EXOC6B: variants seen among roughly 807,000 people sequenced by gnomAD.
EXOC6B encodes the protein exocyst complex component 6B, also known as SEC15 homolog B.
Under a neutral mutation model 113.5 loss-of-function variants are expected in EXOC6B, and 54 were observed. The observed-to-expected ratio is 0.48, with a 90% confidence interval of 0.38 to 0.60. EXOC6B has a LOEUF of 0.60. EXOC6B is among the 20% of genes least tolerant of loss of function. The pLI, the probability that EXOC6B is intolerant of heterozygous loss-of-function variation, is 0.00. For synonymous variants in EXOC6B, 357 were observed against 339.0 expected, an observed-to-expected ratio of 1.05 and a Z score of -0.58; for missense variants, 797 against 977.5, an observed-to-expected ratio of 0.82 and a Z score of 2.46.
At chr2:72,243,818 A>C (rs1388504402) in intron 20 of EXOC6B, among the ~76,000 whole-genome samples, 1 of 152,236 alleles carries the variant, frequency 6.6e-6, no homozygotes, top group Non-Finnish European at 1.5e-5. Context: ...GGAACATTAC[A>C]TAATGATAAA....
intron 20 of EXOC6B, among the ~76,000 whole-genome samples, chr2:72,302,204 T>A (rs1467362378): frequency 6.6e-6 from 1 of 152,198 alleles, no homozygotes; most frequent in Non-Finnish European, 1.5e-5. Flanking sequence ...TCCAAGAGTG[T>A]GTTTGGTATG....
chr2:72,405,496 C>T (rs995109339), intron 18 of EXOC6B, among the ~76,000 whole-genome samples: 4 of 152,152 alleles, frequency 2.6e-5, no homozygotes, highest in Non-Finnish European at 2.9e-5. Context: ...AGACTAGTTG[C>T]GGATCTCTTG....
Position 72,373,890 on chromosome 2 carries a change from G to A in EXOC6B, c.2122+5839C>T, listed in dbSNP as rs972584149. Among the ~76,000 whole-genome samples, 14 of 152,228 alleles carry A rather than the reference G, an allele frequency of 9.2e-5. No individual in the cohort carries two copies. The East Asian group carries it at 1.4e-3, about 15-fold the overall frequency. ...TATAATCCCAATACTTTGGAAGGCCGAGGTGGGTGGATCACGGGTCTGGAG... is the reference window on the plus strand; with the variant it reads ...TATAATCCCAATACTTTGGAAGGCCAAGGTGGGTGGATCACGGGTCTGGAG... On this transcript the variant is annotated intron_variant, in intron 19 of 21. Transcript: ENST00000272427.
chr2:72,772,736 C>T (rs890175371), intron 1 of EXOC6B, among the ~76,000 whole-genome samples: 1 of 152,178 alleles, frequency 6.6e-6, no homozygotes, highest in Non-Finnish European at 1.5e-5. Flanking sequence ...ATGCACTCGA[C>T]CAATCAGCCT....
At chr2:72,362,440 A>C (rs1690371672) in intron 19 of EXOC6B, among the ~76,000 whole-genome samples, 1 of 152,122 alleles carries the variant, frequency 6.6e-6, no homozygotes, top group South Asian at 2.1e-4. Context: ...AAAACACATA[A>C]AGGCATATAC....
intron 20 of EXOC6B, among the ~76,000 whole-genome samples, chr2:72,316,240 T>G (rs1179975652): frequency 1.3e-5 from 2 of 152,150 alleles, no homozygotes; most frequent in African/African-American, 2.4e-5. Context: ...TATGAGCAAG[T>G]ATTTAGTCTA....
At chr2:72,442,991 T>C (rs1436268962) in intron 18 of EXOC6B, among the ~76,000 whole-genome samples, 4 of 152,040 alleles carry the variant, frequency 2.6e-5, no homozygotes, top group Admixed American at 6.6e-5. Context: ...CAAACTATAC[T>C]ACACGGCTAC....
At chr2:72,312,482 G>C (rs548803881) in intron 20 of EXOC6B, among the ~76,000 whole-genome samples, 2 of 152,096 alleles carry the variant, frequency 1.3e-5, no homozygotes, top group Admixed American at 1.3e-4. Context: ...CTCAAATATA[G>C]GAATTTTTTT....
At chr2:72,514,708 AT>A in intron 9 of EXOC6B, 28 bp from the exon 10 acceptor site, 1 of 1,452,270 alleles carries the variant, frequency 6.9e-7, no homozygotes, top group Non-Finnish European at 9.3e-7. Context: ...AGAAAAAGTT[AT>A]TGTTTCTGTT....
intron 19 of EXOC6B, among the ~76,000 whole-genome samples, chr2:72,338,024 C>A (rs1572934632): frequency 1.3e-5 from 2 of 152,128 alleles, no homozygotes; most frequent in South Asian, 4.1e-4. Context: ...AATAAACAGG[C>A]TTTAGGAATT....
chr2:72,670,254 T>C (rs1197450144), intron 6 of EXOC6B, among the ~76,000 whole-genome samples: 2 of 152,206 alleles, frequency 1.3e-5, no homozygotes, highest in Non-Finnish European at 2.9e-5. Context: ...TGTTATAAAT[T>C]ATTTTCATTT....
intron 6 of EXOC6B, among the ~76,000 whole-genome samples, chr2:72,589,497 A>T (rs925315604): frequency 6.6e-6 from 1 of 151,680 alleles, no homozygotes; most frequent in East Asian, 1.9e-4. Context: ...TGTACTGAGT[A>T]TTCAGAATAC....
At chr2:72,593,044 C>T (rs1056138670) in intron 6 of EXOC6B, among the ~76,000 whole-genome samples, 3 of 152,048 alleles carry the variant, frequency 2.0e-5, no homozygotes, top group African/African-American at 7.2e-5. Context: ...CATGTATATG[C>T]AATGGAACCT....
Position 72,496,421 on chromosome 2 carries a change from A to G in EXOC6B, c.1443+33T>C, listed in dbSNP as rs1015172440. On this transcript the variant is annotated intron_variant, in intron 14 of 21. Coordinates refer to ENST00000272427, the MANE Select transcript of EXOC6B (RefSeq NM_015189.3). ...AAAGCTTTTAAGAGGATGCCAAAAC[A>G]ACCAGAGAAATTTATTTTAAAGTAT... 2.2e-6 allele frequency: 3 copies of G among 1,386,798 alleles called. No homozygotes were observed. The African/African-American group carries it at 4.3e-5, about 20-fold the overall frequency. 85.9% of individuals were successfully genotyped at this position (1,386,798 alleles called of 1,614,324 possible).
rs185415640 is a variant in EXOC6B at position 72,312,711 on chromosome 2, C to T, written c.2196+22236G>A. On this transcript the variant is annotated intron_variant, in intron 20 of 21. Coordinates refer to ENST00000272427, the MANE Select transcript of EXOC6B (RefSeq NM_015189.3). ...CGGAGGTTGCAGTGAGCTGCGATCG[C>T]GCCATTGCACTCCAGCCTGGGCAAC... 4.7e-3 allele frequency among the ~76,000 whole-genome samples: 710 copies of T among 150,836 alleles called. 7 individuals carry two copies. The highest frequency in any genetic ancestry group is 0.016 in the African/African-American group (657 of 41,088).
rs772905584 is a variant in EXOC6B, at chr2:72,575,505, T to C, written c.833A>G (p.Glu278Gly). 9.3e-6 allele frequency: 15 copies of C among 1,605,988 alleles called. No individual in the cohort carries two copies. Among genetic ancestry groups the C allele is most frequent in the Non-Finnish European group, 1.3e-5 (15 of 1,177,320 alleles). The change falls in exon 7 of 22, where the codon GAA (glutamate) becomes GGA (glycine). Residue 278 changes from glutamate to glycine, a missense_variant. Coordinates refer to ENST00000272427, the MANE Select transcript of EXOC6B (RefSeq NM_015189.3). ...AATGTTACTTACCTCTTCATCATCT[T>C]CCTCGTCTTCAACATCCAGAATTCC... ...DSGILDVEDE[E>G]DDEEVPGAQD...
intron 18 of EXOC6B, among the ~76,000 whole-genome samples, chr2:72,403,825 C>T (rs1054849941): frequency 6.6e-6 from 1 of 152,170 alleles, no homozygotes; most frequent in African/African-American, 2.4e-5. Context: ...AACTGAGGTA[C>T]CGGGTTCATC....
At chr2:72,639,033 G>A (rs1294196527) in intron 6 of EXOC6B, among the ~76,000 whole-genome samples, 1 of 152,106 alleles carries the variant, frequency 6.6e-6, no homozygotes, top group Admixed American at 6.5e-5. Flanking sequence ...GCTTGAGTAG[G>A]GCAGCCCCTG....
intron 18 of EXOC6B, among the ~76,000 whole-genome samples, chr2:72,420,703 G>T (rs1694822001): frequency 6.6e-6 from 1 of 152,100 alleles, no homozygotes; most frequent in Admixed American, 6.5e-5. Flanking sequence ...ACATACGTGT[G>T]CATGTGTCCT....
Sources: gnomAD v4.1 joint callset for allele counts (sites outside exome capture counted in the v4.1 genomes callset) on GRCh38, gnomAD v4.1.1 for gene constraint, MANE v1.5 for transcripts, NCBI Gene and HGNC (gene_info 2026-07-23, HGNC 2026-07-21) for gene names.